Variants in SLC26A8 observed in about 807,000 individuals in gnomAD.
SLC26A8 encodes the protein testis anion transporter 1.
A neutral mutation model predicts 105.0 loss-of-function variants in SLC26A8; 70 were observed. That is an observed-to-expected ratio of 0.67 (90% CI 0.55 to 0.81). SLC26A8 has a LOEUF of 0.81. Ranked by LOEUF, SLC26A8 falls within the 40% of genes least tolerant of loss-of-function variation. The probability of loss-of-function intolerance (pLI) is 0.00; values close to 1 mark genes in which losing one functional copy is unlikely to be tolerated. For missense variants in SLC26A8, 998 were observed against 1,181.8 expected, an observed-to-expected ratio of 0.84 and a Z score of 2.28; for synonymous variants, 415 against 438.3, an observed-to-expected ratio of 0.95 and a Z score of 0.66.
intron 19 of SLC26A8, among the ~76,000 whole-genome samples, chr6:35,950,104 G>C (rs1016024894): frequency 1.3e-5 from 2 of 151,038 alleles, no homozygotes; most frequent in South Asian, 4.2e-4. Context: ...CCCGTTGTAC[G>C]GTCTTAACTG....
chr6:35,982,989 C>T (rs1393500854), intron 7 of SLC26A8, among the ~76,000 whole-genome samples: 1 of 152,188 alleles, frequency 6.6e-6, no homozygotes, highest in African/African-American at 2.4e-5. Context: ...AAGACTGCGT[C>T]AATGCAGATT....
rs1413472730 is a variant in SLC26A8 at position 35,981,752 on chromosome 6, C to A, written c.1025+369G>T. Among the ~76,000 whole-genome samples, 1 of 152,150 alleles carries A rather than the reference C, an allele frequency of 6.6e-6. No individual in the cohort carries two copies. Among genetic ancestry groups the A allele is most frequent in the African/African-American group, 2.4e-5 (1 of 41,430 alleles). On this transcript the variant is annotated intron_variant, in intron 8 of 19. Coordinates refer to ENST00000490799, the MANE Select transcript of SLC26A8 (RefSeq NM_052961.4). The surrounding 1 kb of genome is among the most constrained non-coding windows in gnomAD (Gnocchi z 4.0). Reference sequence around the variant, plus strand: ...CGTTCATCTTCTGAACACAGAGCCACAGGAGAGAGGCTAGAAAAACCGAGG... The same window carrying A: ...CGTTCATCTTCTGAACACAGAGCCAAAGGAGAGAGGCTAGAAAAACCGAGG...
intron 7 of SLC26A8, among the ~76,000 whole-genome samples, chr6:35,984,786 T>A (rs1209198965): frequency 1.3e-5 from 2 of 152,166 alleles, no homozygotes; most frequent in Non-Finnish European, 2.9e-5. Flanking sequence ...AGGCCCCCAG[T>A]CATCTGAATG....
Position 35,951,256 on chromosome 6 carries a change from C to G in SLC26A8, c.2379G>C (p.Leu793=). The change falls in exon 19 of 20, where the codon CTG becomes CTC. Residue 793 remains leucine (L), a synonymous_variant. Transcript: ENST00000490799. ...CTATGACCTTCCTTGACAAGGCAAACAGCACGGCGTCGTGAACGCTGAGGA... is the reference window on the plus strand; with the variant it reads ...CTATGACCTTCCTTGACAAGGCAAAGAGCACGGCGTCGTGAACGCTGAGGA... ...QLFLSVHDAV[L]FALSRKVIGS... 1 of 1,614,134 alleles carries G rather than the reference C, an allele frequency of 6.2e-7. No homozygotes were observed. Among genetic ancestry groups the G allele is most frequent in the South Asian group, 1.1e-5 (1 of 91,080 alleles).
chr6:35,975,562 GT>G (rs111959068), intron 9 of SLC26A8, 74 bp from the exon 10 acceptor site: 31,973 of 571,368 alleles, frequency 0.056, 2 homozygotes, highest in South Asian at 0.073. Flanking sequence ...AAGGCATATG[GT>G]TTTTTTTTTT....
chr6:35,982,599 C>T (rs1773319164), intron 7 of SLC26A8, among the ~76,000 whole-genome samples: 1 of 152,122 alleles, frequency 6.6e-6, no homozygotes, highest in African/African-American at 2.4e-5. Context: ...CCTCTTTGCT[C>T]CTCTTTAAAT....
intron 6 of SLC26A8, 120 bp downstream of exon 6, chr6:35,992,390 G>T: frequency 1.0e-6 from 1 of 977,158 alleles, no homozygotes; most frequent in Non-Finnish European, 1.5e-6. Flanking sequence ...TCTTGACTGA[G>T]CTGCCTATAG....
At chr6:35,994,873 G>A (rs1420540133) in intron 5 of SLC26A8, among the ~76,000 whole-genome samples, 1 of 152,212 alleles carries the variant, frequency 6.6e-6, no homozygotes, top group Non-Finnish European at 1.5e-5. Flanking sequence ...CACTGTGGCT[G>A]GCCTGCATCA....
chr6:35,955,617 C>A, intron 16 of SLC26A8, 97 bp from the exon 17 acceptor site: 1 of 1,471,376 alleles, frequency 6.8e-7, no homozygotes, highest in Non-Finnish European at 9.2e-7. Context: ...CAGCTCATGT[C>A]CCTCTCTCAT....
In SLC26A8 at chr6:36,005,266, A is replaced by T. The variant is rs557241648; in HGVS notation, c.329-5158T>A. ...TTCTCCTAATGTTAATATTTTATAT[A>T]GTCATAGTATATTGATCAGAGCTAG... On this transcript the variant is annotated intron_variant, in intron 3 of 19. Coordinates refer to ENST00000490799, the MANE Select transcript of SLC26A8 (RefSeq NM_052961.4). Among the ~76,000 whole-genome samples the T allele has an allele frequency of 3.9e-5, 6 of 152,316 alleles. No homozygotes were observed. The East Asian group carries it at 1.2e-3, about 29-fold the overall frequency.
rs183746039 is a variant in SLC26A8 at position 36,015,387 on chromosome 6, A to G, written c.189-3015T>C. Reference sequence around the variant, plus strand: ...CGGCCTCCCAGAGTGCTGGGATTACAGGCATGAGCCACTGTGCCCAGCCAG... The same window carrying G: ...CGGCCTCCCAGAGTGCTGGGATTACGGGCATGAGCCACTGTGCCCAGCCAG... On this transcript the variant is annotated intron_variant, in intron 2 of 19. Transcript: ENST00000490799. Among the ~76,000 whole-genome samples the G allele has an allele frequency of 1.9e-3, 284 of 152,334 alleles. 1 individual carries two copies. Among genetic ancestry groups the G allele is most frequent in the Non-Finnish European group, 3.3e-3 (225 of 68,032 alleles).
intron 7 of SLC26A8, chr6:35,990,271 T>C: frequency 3.8e-6 from 1 of 265,110 alleles, no homozygotes; most frequent in Non-Finnish European, 7.2e-6. Flanking sequence ...ACCTGTACTG[T>C]TGGATACATG....
Position 36,014,607 on chromosome 6 carries a change from T to C in SLC26A8, c.189-2235A>G, listed in dbSNP as rs559985711. Among the ~76,000 whole-genome samples the C allele has an allele frequency of 3.0e-4, 46 of 152,084 alleles. 1 individual carries two copies. The highest frequency in any genetic ancestry group is 9.2e-4 in the Admixed American group (14 of 15,254). ...TTAAAAAAACTCACTTATGGCCAGGTGCGGTGGCTCATGCCTGTAATCCCA... is the reference window on the plus strand; with the variant it reads ...TTAAAAAAACTCACTTATGGCCAGGCGCGGTGGCTCATGCCTGTAATCCCA... On this transcript the variant is annotated intron_variant, in intron 2 of 19. Coordinates refer to ENST00000490799, the MANE Select transcript of SLC26A8 (RefSeq NM_052961.4).
rs1165740262 is a variant in SLC26A8, at chr6:35,998,503, C to T, written c.446-584G>A. On this transcript the variant is annotated intron_variant, in intron 4 of 19. Coordinates refer to ENST00000490799, the MANE Select transcript of SLC26A8 (RefSeq NM_052961.4). ...CCAGGAGGCAGAGGTTGCAGTGAGTCGAGATGGCACGATTGCACTCCAGCC... is the reference window on the plus strand; with the variant it reads ...CCAGGAGGCAGAGGTTGCAGTGAGTTGAGATGGCACGATTGCACTCCAGCC... 4.0e-5 allele frequency among the ~76,000 whole-genome samples: 6 copies of T among 149,510 alleles called. No homozygotes were observed. The East Asian group carries it at 7.8e-4, about 20-fold the overall frequency.
At chr6:35,985,580 C>G (rs574942669) in intron 7 of SLC26A8, among the ~76,000 whole-genome samples, 143 of 151,340 alleles carry the variant, frequency 9.4e-4, no homozygotes, top group Non-Finnish European at 1.7e-3. Flanking sequence ...GTAATCCCAG[C>G]TACTCGGGAG....
intron 3 of SLC26A8, among the ~76,000 whole-genome samples, chr6:36,002,737 C>T (rs1364832087): frequency 2.1e-5 from 3 of 145,502 alleles, no homozygotes; most frequent in African/African-American, 7.7e-5. Flanking sequence ...GATGGCATCT[C>T]TCTCTGTCTC....
intron 19 of SLC26A8, among the ~76,000 whole-genome samples, chr6:35,945,922 C>T (rs1188946314): frequency 1.3e-5 from 2 of 152,126 alleles, no homozygotes; most frequent in African/African-American, 2.4e-5. Flanking sequence ...TCTTCTCGAC[C>T]ACCATATGAC....
rs996696217 is a variant in SLC26A8 at position 35,968,589 on chromosome 6, A to G, written c.1365+288T>C. 2.8e-4 allele frequency among the ~76,000 whole-genome samples: 17 copies of G among 61,430 alleles called. No homozygotes were observed. In the South Asian group the frequency reaches 3.1e-3, roughly 11 times the overall value. 40.3% of individuals were successfully genotyped at this position (61,430 alleles called of 152,430 possible). On this transcript the variant is annotated intron_variant, in intron 11 of 19. Coordinates refer to ENST00000490799, the MANE Select transcript of SLC26A8 (RefSeq NM_052961.4). Reference sequence around the variant, plus strand: ...TATATATAAATATACATATGTGTGTATGTGTGTGTGTGTGTGTGTGTATAT... The same window carrying G: ...TATATATAAATATACATATGTGTGTGTGTGTGTGTGTGTGTGTGTGTATAT...
rs77593688 is a variant in SLC26A8 at position 35,977,442 on chromosome 6, C to CT, written c.1026-92dup. 0.1 allele frequency: 89,553 copies of CT among 891,042 alleles called. 143 individuals are homozygous for CT. The highest frequency in any genetic ancestry group is 0.11 in the Non-Finnish European group (70,202 of 659,756). 55.2% of individuals were successfully genotyped at this position (891,042 alleles called of 1,614,324 possible). ...ATTCTAACACTGGGCTGTCCTGATT[C>CT]TTTTTTTTTTTTTTTTAATAACAAT... is the stretch of plus-strand genomic sequence containing the variant. On this transcript the variant is annotated intron_variant, in intron 8 of 19. Transcript: ENST00000490799.
Sources: gnomAD v4.1 joint callset for allele counts (sites outside exome capture counted in the v4.1 genomes callset) on GRCh38, gnomAD v4.1.1 for gene constraint, Gnocchi (gnomAD v3.1) non-coding constraint, MANE v1.5 for transcripts, NCBI Gene and HGNC (gene_info 2026-07-23, HGNC 2026-07-21) for gene names.